LDLRAD4: variants seen among roughly 807,000 people sequenced by gnomAD.
LDLRAD4 encodes low density lipoprotein receptor class A domain containing 4, also known as low-density lipoprotein receptor class A domain-containing protein 4.
Under a neutral mutation model 17.0 loss-of-function variants are expected in LDLRAD4, and 5 were observed. The observed-to-expected ratio is 0.29, with a 90% CI of 0.15 to 0.62. LDLRAD4 has a LOEUF of 0.62. LDLRAD4 is among the 20% of genes least tolerant of loss of function. LDLRAD4 has a pLI of 0.84. For synonymous variants in LDLRAD4, 168 were observed against 171.8 expected (o/e 0.98, Z 0.17); for missense variants, 340 against 424.7 (o/e 0.80, Z 1.75).
rs554764312 is a variant in LDLRAD4, at chr18:13,612,555, C to G, written c.182-8562C>G. ...GGCAGACAGAAACACACCCCCCCCC[C>G]CTCCACGCTCACACACTCTCCCACA... is the stretch of plus-strand genomic sequence containing the variant. On this transcript the variant is annotated intron_variant, in intron 3 of 5. Coordinates refer to ENST00000359446, the Ensembl canonical transcript of LDLRAD4. 7.2e-3 allele frequency: 10,462 copies of G among 1,447,912 alleles called. 80 individuals carry two copies. The highest frequency in any genetic ancestry group is 0.04 in the Admixed American group (1,569 of 39,694). 89.7% of individuals were successfully genotyped at this position (1,447,912 alleles called of 1,614,324 possible).
intron 1 of LDLRAD4, among the ~76,000 whole-genome samples, chr18:13,279,117 T>C (rs1364936684): frequency 2.0e-5 from 3 of 152,142 alleles, no homozygotes; most frequent in African/African-American, 7.2e-5. Context: ...GTTTCTCTCC[T>C]CTCTCCTGAG....
chr18:13,338,317 C>T (rs1444618788), intron 1 of LDLRAD4, among the ~76,000 whole-genome samples: 1 of 152,164 alleles, frequency 6.6e-6, no homozygotes, highest in East Asian at 1.9e-4. Context: ...TAGCACTGTT[C>T]TCTGGAGGTC....
chr18:13,476,165 G>T (rs139118324), intron 3 of LDLRAD4, among the ~76,000 whole-genome samples: 3 of 152,308 alleles, frequency 2.0e-5, no homozygotes, highest in Admixed American at 1.3e-4. Flanking sequence ...TATGGAAGGG[G>T]CTCTGCTTTG....
chr18:13,466,652 G>A (rs1249401355), intron 3 of LDLRAD4, among the ~76,000 whole-genome samples: 1 of 152,098 alleles, frequency 6.6e-6, no homozygotes, highest in Non-Finnish European at 1.5e-5. Flanking sequence ...CAAGATAAAA[G>A]GCATGTCCTC....
intron 1 of LDLRAD4, among the ~76,000 whole-genome samples, chr18:13,323,092 C>T (rs1167449706): frequency 1.3e-5 from 2 of 152,312 alleles, no homozygotes; most frequent in East Asian, 1.9e-4. Flanking sequence ...CAGGGAGAAG[C>T]AGGTGGGAAG....
intron 3 of LDLRAD4, among the ~76,000 whole-genome samples, chr18:13,443,981 C>T (rs535657073): frequency 6.6e-6 from 1 of 152,276 alleles, no homozygotes; most frequent in Non-Finnish European, 1.5e-5. Context: ...TGTGTGATAC[C>T]GTCAGGCATT....
intron 3 of LDLRAD4, among the ~76,000 whole-genome samples, chr18:13,610,414 A>G (rs780355394): frequency 6.6e-6 from 1 of 151,126 alleles, no homozygotes; most frequent in Non-Finnish European, 1.5e-5. Flanking sequence ...CAGCCTCCTG[A>G]GTAGCTGGGA....
At chr18:13,390,354 G>A (rs1240464354) in intron 2 of LDLRAD4, among the ~76,000 whole-genome samples, 1 of 152,170 alleles carries the variant, frequency 6.6e-6, no homozygotes. Flanking sequence ...ACACAGCGCC[G>A]CGCGGGGCAC....
chr18:13,617,048 T>C (rs9303789), intron 3 of LDLRAD4, among the ~76,000 whole-genome samples: 7,211 of 151,782 alleles, frequency 0.048, 532 homozygotes, highest in African/African-American at 0.16. Context: ...GGTACCTGTG[T>C]GTGGCAGGTT....
intron 2 of LDLRAD4, among the ~76,000 whole-genome samples, chr18:13,429,656 CTT>C (rs899012561): frequency 3.4e-4 from 51 of 152,196 alleles, no homozygotes; most frequent in African/African-American, 1.2e-3. Flanking sequence ...GAACATAAGA[CTT>C]TTAGGTGTGA....
chr18:13,246,922 GT>G (rs371808111), intron 1 of LDLRAD4, among the ~76,000 whole-genome samples: 1 of 149,752 alleles, frequency 6.7e-6, no homozygotes, highest in Non-Finnish European at 1.5e-5. Context: ...AATCTGCAAT[GT>G]TTTTTTATCT....
At chr18:13,544,271 G>A (rs144685070) in intron 3 of LDLRAD4, among the ~76,000 whole-genome samples, 6 of 152,238 alleles carry the variant, frequency 3.9e-5, no homozygotes, top group Non-Finnish European at 7.3e-5. Flanking sequence ...GTGGGCCAGG[G>A]ACTTGTCTAG....
chr18:13,531,966 G>T (rs570239200), intron 3 of LDLRAD4, among the ~76,000 whole-genome samples: 1 of 152,276 alleles, frequency 6.6e-6, no homozygotes, highest in East Asian at 1.9e-4. Flanking sequence ...GTGCTGTGTG[G>T]AGTGTGATTT....
chr18:13,529,851 C>A (rs764753947), intron 3 of LDLRAD4, among the ~76,000 whole-genome samples: 1 of 152,178 alleles, frequency 6.6e-6, no homozygotes, highest in Non-Finnish European at 1.5e-5. Flanking sequence ...GCTTTAGAGA[C>A]TTCCATGGCA....
Position 13,434,985 on chromosome 18 carries a change from G to A in LDLRAD4, c.41-3259G>A, listed in dbSNP as rs2090562102. On this transcript the variant is annotated intron_variant, in intron 2 of 5. Transcript: ENST00000359446. ...GGCCAGTGAGATAGGACCTGTCTGGGACTCTGACCCCAGCAGTGCTGAAAG... is the reference window on the plus strand; with the variant it reads ...GGCCAGTGAGATAGGACCTGTCTGGAACTCTGACCCCAGCAGTGCTGAAAG... 2.0e-5 allele frequency among the ~76,000 whole-genome samples: 3 copies of A among 152,176 alleles called. No homozygotes were observed. In the South Asian group the frequency reaches 6.2e-4, roughly 32 times the overall value.
chr18:13,385,613 T>C (rs2085737824), intron 1 of LDLRAD4, among the ~76,000 whole-genome samples: 1 of 152,216 alleles, frequency 6.6e-6, no homozygotes, highest in South Asian at 2.1e-4. Context: ...TCTAGCATAT[T>C]TGCACACCAA....
chr18:13,391,732 A>C (rs2086289509), intron 2 of LDLRAD4, among the ~76,000 whole-genome samples: 1 of 152,246 alleles, frequency 6.6e-6, no homozygotes, highest in South Asian at 2.1e-4. Context: ...TTCTTCGGGC[A>C]ACATTTTAGT....
intron 3 of LDLRAD4, among the ~76,000 whole-genome samples, chr18:13,494,667 T>TATAAAATA (rs2093423935): frequency 6.4e-4 from 2 of 3,146 alleles, no homozygotes; most frequent in East Asian, 0.33. Flanking sequence ...GACAGACATA[T>TATAAAATA]TTAATAATAT....
intron 3 of LDLRAD4, among the ~76,000 whole-genome samples, chr18:13,576,779 A>T (rs1404059617): frequency 3.3e-5 from 5 of 152,258 alleles, no homozygotes; most frequent in Non-Finnish European, 5.9e-5. Flanking sequence ...TAGCAGGGGG[A>T]TGTCCGGAGG....
Sources: allele counts gnomAD v4.1 joint callset (sites outside exome capture counted in the v4.1 genomes callset), GRCh38; gene constraint gnomAD v4.1.1; transcripts MANE v1.5; gene names NCBI Gene and HGNC (gene_info 2026-07-23, HGNC 2026-07-21).